Variants in TSR1 observed in about 807,000 individuals in gnomAD.
TSR1 encodes the protein pre-rRNA-processing protein TSR1 homolog.
A neutral mutation model predicts 90.9 loss-of-function variants in TSR1; 81 were observed. The observed-to-expected ratio is 0.89, with a 90% confidence interval of 0.74 to 1.07. The LOEUF is 1.07. Among genes scored for constraint, TSR1 ranks in the 50% least tolerant of loss-of-function variants. TSR1 has a pLI of 0.00. For missense variants in TSR1, 989 were observed against 987.3 expected (o/e 1.00, Z -0.02); for synonymous variants, 362 against 348.8 (o/e 1.04, Z -0.42).
rs768791863 is a variant in TSR1, at chr17:2,333,712, C to G, written c.986G>C (p.Cys329Ser). The change falls in exon 6 of 15, where the codon TGT becomes TCT. Residue 329 changes from cysteine to serine, a missense_variant. By Grantham distance (112) the Cys-to-Ser change is moderately radical (BLOSUM62 -1). Transcript: ENST00000301364. ...QKDPDMAMEICATDAVDDMEE... is the reference protein window; with the variant it reads ...QKDPDMAMEISATDAVDDMEE... ...CATATCATCTACAGCATCCGTAGCA[C>G]AAATCTGAAAACCAAAAGCAGGTGA... 9 of 1,613,886 alleles carry G rather than the reference C, an allele frequency of 5.6e-6. No individual in the cohort carries two copies. The African/African-American group carries it at 6.7e-5, about 12-fold the overall frequency.
Position 2,336,366 on chromosome 17 carries a change from T to C in TSR1, c.62A>G (p.His21Arg), listed in dbSNP as rs1205744071. 1.2e-6 allele frequency: 2 copies of C among 1,613,868 alleles called. No homozygotes were observed. The highest frequency in any genetic ancestry group is 3.3e-5 in the Admixed American group (2 of 60,034). ...CCGCTGTGCAGATCCCCGACCCCGA[T>C]GCCGTCCGCCTTTATGAGCTTTATT... is the stretch of plus-strand genomic sequence containing the variant. ...QQNKAHKGGR[H>R]RGRGSAQRDG... Residue 21 changes from histidine to arginine, a missense_variant, in exon 1 of 15, where the codon CAT (histidine) becomes CGT (arginine). Coordinates refer to ENST00000301364, the MANE Select transcript of TSR1 (RefSeq NM_018128.5).
At chr17:2,335,961 C>T (rs1400956058) in intron 2 of TSR1, 76 bp downstream of exon 2, 19 of 1,483,110 alleles carry the variant, frequency 1.3e-5, no homozygotes, top group Non-Finnish European at 1.8e-5. Flanking sequence ...TCCTCCCGGT[C>T]TCATTTTCCA....
rs2064017102 is a variant in TSR1 at position 2,332,892 on chromosome 17, G to C, written c.1305+69C>G. 5.4e-6 allele frequency: 8 copies of C among 1,478,432 alleles called. No individual in the cohort carries two copies. The South Asian group carries it at 1.0e-4, about 19-fold the overall frequency. The allele number at this position is 1,478,432 out of a possible 1,614,324, so 91.6% of individuals were successfully genotyped here. A position where few individuals can be genotyped will look rare whatever the true frequency, so the allele number is the denominator to read the frequency against. On this transcript the variant is annotated intron_variant, in intron 7 of 14. Transcript: ENST00000301364. Reference sequence around the variant, plus strand: ...GAAACTAACCACACACACCCATCAAGATCACACCTGCACTTTGCCTTACAT... The same window carrying C: ...GAAACTAACCACACACACCCATCAACATCACACCTGCACTTTGCCTTACAT...
chr17:2,336,197 G>T, intron 1 of TSR1, 57 bp from the exon 2 acceptor site: 3 of 1,601,734 alleles, frequency 1.9e-6, no homozygotes, highest in Non-Finnish European at 2.6e-6. Flanking sequence ...CAAGAAAAGG[G>T]ACTCCTCTCC....
chr17:2,327,952 A>T (rs532985691), intron 11 of TSR1, among the ~76,000 whole-genome samples: 1 of 152,314 alleles, frequency 6.6e-6, no homozygotes, highest in Non-Finnish European at 1.5e-5. Flanking sequence ...CCATTTTGAA[A>T]CAATAAAAGA....
chr17:2,328,167 T>C (rs2075585177), intron 11 of TSR1, among the ~76,000 whole-genome samples: 1 of 143,308 alleles, frequency 7.0e-6, no homozygotes, highest in Non-Finnish European at 1.5e-5. Flanking sequence ...TGATTGAACC[T>C]GGAAGGCAGA....
intron 12 of TSR1, 107 bp downstream of exon 12, chr17:2,325,196 CA>C (rs767921917): frequency 1.4e-5 from 11 of 807,424 alleles, no homozygotes; most frequent in Non-Finnish European, 2.2e-5. Context: ...TGAAAACCAT[CA>C]TTACCTTCTC....
chr17:2,334,383 A>T, intron 5 of TSR1, 89 bp downstream of exon 5: 1 of 1,366,760 alleles, frequency 7.3e-7, no homozygotes, highest in Non-Finnish European at 1.0e-6. Context: ...CTCCTCATTC[A>T]CCTAAGTGTA....
rs2075555431 is a variant in TSR1 at position 2,323,782 on chromosome 17, T to C, written c.*414A>G. On this transcript the variant is annotated 3_prime_UTR_variant, in exon 15 of 15. Coordinates refer to ENST00000301364, the MANE Select transcript of TSR1 (RefSeq NM_018128.5). The stretch of plus-strand genomic sequence containing the variant: ...CCAGAAGTAAAGAACATTTGTATTG[T>C]GCTCAGTGGTGGAAATGTAGACTTA... The C allele has an allele frequency of 1.2e-6, 2 of 1,614,188 alleles. No homozygotes were observed. The highest frequency in any genetic ancestry group is 1.3e-5 in the African/African-American group (1 of 75,048).
In TSR1 at chr17:2,334,518, T is replaced by C. The variant is rs761483244; in HGVS notation, c.935A>G (p.Asn312Ser). 6.2e-7 allele frequency: 1 copy of C among 1,614,094 alleles called. No individual in the cohort carries two copies. The highest frequency in any genetic ancestry group is 1.7e-5 in the Admixed American group (1 of 60,014). ...IDAPGDPFPL[N>S]PRGIKPQKDP... ...CTTTTGGGGTTTAATTCCTCTAGGA[T>C]TTAAAGGGAAAGGGTCTCCGGGGGC... is the stretch of plus-strand genomic sequence containing the variant. Residue 312 changes from asparagine (N) to serine (S), a missense_variant, in exon 5 of 15, where the codon AAT (asparagine) becomes AGT (serine). Transcript: ENST00000301364.
At position 2,328,000 on chromosome 17, in the gene TSR1, C is replaced by T. The variant is rs1000822271; in HGVS notation, c.1903+1343G>A. ...GCGCAGTGGCTCACGCCTGTAATCC[C>T]AGCACTTTGGAAGGCCAAGGCAGGA... On this transcript the variant is annotated intron_variant, in intron 11 of 14. Coordinates refer to ENST00000301364, the MANE Select transcript of TSR1 (RefSeq NM_018128.5). Among the ~76,000 whole-genome samples the T allele has an allele frequency of 3.7e-4, 57 of 152,004 alleles. 1 individual carries two copies. Among genetic ancestry groups the T allele is most frequent in the African/African-American group, 1.4e-3 (56 of 41,412 alleles).
In TSR1 at chr17:2,336,410, G is replaced by A. The variant is rs1445960787; in HGVS notation, c.18C>T (p.Pro6=). ...CTTTATTCTGCTGCTTGAGCGGGCC[G>A]GGGCGGTGGGCCGCCATGCCGCAGC... MAAHR[P]GPLKQQNKAH... The change falls in exon 1 of 15, where the codon CCC becomes CCT. Residue 6 remains proline (P), a synonymous_variant. Transcript: ENST00000301364. The A allele has an allele frequency of 1.9e-6, 3 of 1,611,546 alleles. No homozygotes were observed. The highest frequency in any genetic ancestry group is 2.2e-5 in the East Asian group (1 of 44,882).
At chr17:2,328,613 C>CAAAA (rs1209885363) in intron 11 of TSR1, among the ~76,000 whole-genome samples, 8 of 138,286 alleles carry the variant, frequency 5.8e-5, no homozygotes, top group South Asian at 2.4e-4. Context: ...AACAAACAAA[C>CAAAA]AAAAAAAAAC....
Position 2,332,341 on chromosome 17 carries a change from C to A in TSR1, c.1324G>T (p.Glu442Ter). ...EESQDESSEE[E>*]EEYETMTIGE... is the part of the protein sequence containing the mutation. Reference sequence around the variant, plus strand: ...ATAGTCATAGTTTCATATTCTTCCTCTTCTTCACTACTCTCATCCTGTAGA... The same window carrying A: ...ATAGTCATAGTTTCATATTCTTCCTATTCTTCACTACTCTCATCCTGTAGA... Residue 442 changes from glutamate to a stop codon, truncating the protein, a stop_gained, in exon 8 of 15, where the codon GAG (glutamate) becomes TAG (stop). Coordinates refer to ENST00000301364, the MANE Select transcript of TSR1 (RefSeq NM_018128.5). LOFTEE classifies it high-confidence loss of function. 1 of 1,604,782 alleles carries A rather than the reference C, an allele frequency of 6.2e-7. No homozygotes were observed. The highest frequency in any genetic ancestry group is 8.5e-7 in the Non-Finnish European group (1 of 1,177,584).
In TSR1 at chr17:2,324,778, C is replaced by A. The variant is rs201864213; in HGVS notation, c.2072G>T (p.Arg691Ile). ...CAGAACAACTCTCTTGATGACCATT[C>A]TGTCTGGATCTACTGACATAAGATG... ...TGHLMSVDPD[R>I]MVIKRVVLSG... Residue 691 changes from arginine (R) to isoleucine (I), a missense_variant, in exon 13 of 15, where the codon AGA becomes ATA. By Grantham distance (97) the Arg-to-Ile change is moderately conservative (BLOSUM62 -3). Transcript: ENST00000301364. The A allele has an allele frequency of 6.2e-7, 1 of 1,614,164 alleles. No homozygotes were observed. The highest frequency in any genetic ancestry group is 1.7e-5 in the Admixed American group (1 of 60,024).
At chr17:2,330,685 A>G (rs1369358935) in intron 9 of TSR1, 60 bp from the exon 10 acceptor site, 1 of 1,528,956 alleles carries the variant, frequency 6.5e-7, no homozygotes, top group African/African-American at 1.4e-5. Flanking sequence ...AATAGCGAGG[A>G]AGCTTTCTCC....
rs1475151533 is a variant in TSR1, at chr17:2,323,350, G to C, written c.*846C>G. The C allele has an allele frequency of 6.2e-7, 1 of 1,613,814 alleles. No homozygotes were observed. The highest frequency in any genetic ancestry group is 2.2e-5 in the East Asian group (1 of 44,870). On this transcript the variant is annotated 3_prime_UTR_variant, in exon 15 of 15. Transcript: ENST00000301364. Reference sequence around the variant, plus strand: ...GTCACAGAGGATGAAATTAAGGTGAGGCTCCAGCAAGAAAAGAAATAGCAA... The same window carrying C: ...GTCACAGAGGATGAAATTAAGGTGACGCTCCAGCAAGAAAAGAAATAGCAA...
At chr17:2,330,717 T>A in intron 9 of TSR1, 92 bp from the exon 10 acceptor site, 1 of 1,343,894 alleles carries the variant, frequency 7.4e-7, no homozygotes. Context: ...GTCTCTCAGA[T>A]AAAATTTTTA....
chr17:2,330,899 T>A, intron 9 of TSR1, 48 bp downstream of exon 9: 5 of 1,534,396 alleles, frequency 3.3e-6, no homozygotes, highest in Non-Finnish European at 4.4e-6. Flanking sequence ...GTAGGGAGCA[T>A]GTTGACAAAT....
Sources: allele counts gnomAD v4.1 joint callset (sites outside exome capture counted in the v4.1 genomes callset), GRCh38; gene constraint gnomAD v4.1.1; transcripts MANE v1.5; gene names NCBI Gene and HGNC (gene_info 2026-07-23, HGNC 2026-07-21).